Variants in MAN2B1 observed in about 807,000 individuals in gnomAD.
MAN2B1 encodes lysosomal alpha-mannosidase.
MAN2B1 carries 99 observed loss-of-function variants against 127.5 expected under a neutral mutation model. The ratio of observed to expected loss-of-function variants is 0.78; its 90% CI spans 0.66 to 0.92. The LOEUF is 0.92. Among genes scored for constraint, MAN2B1 ranks in the 40% least tolerant of loss-of-function variants. The probability of loss-of-function intolerance (pLI) is 0.00; values close to 1 mark genes in which losing one functional copy is unlikely to be tolerated. For missense variants in MAN2B1, 1,304 were observed against 1,384.8 expected (o/e 0.94, Z 0.93); for synonymous variants, 573 against 568.8 (o/e 1.01, Z -0.11).
At chr19:12,650,707 G>A (rs2023825408) in intron 16 of MAN2B1, among the ~76,000 whole-genome samples, 2 of 136,276 alleles carry the variant, frequency 1.5e-5, no homozygotes, top group Non-Finnish European at 3.1e-5. Context: ...TTTTGCTCTT[G>A]TTGCCCAGGA....
At chr19:12,654,394 A>T (rs540642428) in intron 14 of MAN2B1, among the ~76,000 whole-genome samples, 5 of 152,068 alleles carry the variant, frequency 3.3e-5, no homozygotes, top group Non-Finnish European at 7.4e-5. Context: ...TTCCAGGGCC[A>T]GTGCAGTCAA....
rs1376652013 is a variant in MAN2B1 at position 12,648,210 on chromosome 19, C to T, written c.2629G>A (p.Ala877Thr). 5 of 1,558,578 alleles carry T rather than the reference C, an allele frequency of 3.2e-6. No homozygotes were observed. In the South Asian group the frequency reaches 3.5e-5, roughly 11 times the overall value. The change falls in exon 21 of 24, where the codon GCC becomes ACC. Residue 877 changes from alanine (A) to threonine (T), a missense_variant. Transcript: ENST00000456935. ...GGAGGAGCCCCGAGATTGTAGGCGG[C>T]GCCGCCACCCGGGGCCAGCACCACC... ...PQVVLAPGGG[A>T]AYNLGAPPRT...
chr19:12,664,218 T>C (rs1410870423), intron 4 of MAN2B1, among the ~76,000 whole-genome samples: 2 of 152,146 alleles, frequency 1.3e-5, no homozygotes, highest in Non-Finnish European at 2.9e-5. Context: ...AGCAAGACCC[T>C]GTCTCAAAAA....
chr19:12,653,145 T>G lies in MAN2B1; in HGVS notation c.1831-685A>C, dbSNP rs1187839823. Among the ~76,000 whole-genome samples the G allele has an allele frequency of 2.8e-4, 7 of 24,816 alleles. 1 individual carries two copies. The highest frequency in any genetic ancestry group is 8.8e-4 in the African/African-American group (7 of 7,948). The allele number at this position is 24,816 out of a possible 152,430, so 16.3% of individuals were successfully genotyped here. On this transcript the variant is annotated intron_variant, in intron 14 of 23. Coordinates refer to ENST00000456935, the MANE Select transcript of MAN2B1 (RefSeq NM_000528.4). Reference sequence around the variant, plus strand: ...CACTGCACCTGGCCTGGGTTTTTTGTTTTTTTTTTTTTTTTGAGACTGAGT... The same window carrying G: ...CACTGCACCTGGCCTGGGTTTTTTGGTTTTTTTTTTTTTTTGAGACTGAGT...
chr19:12,663,868 T>G, intron 4 of MAN2B1, 33 bp from the exon 5 acceptor site: 1 of 1,613,748 alleles, frequency 6.2e-7, no homozygotes, highest in African/African-American at 1.3e-5. Flanking sequence ...CAGTGTGAAT[T>G]AGTGCCCAGC....
At chr19:12,656,376 A>C (rs1169922145) in intron 13 of MAN2B1, 195 bp downstream of exon 13, 21 of 518,034 alleles carry the variant, frequency 4.1e-5, no homozygotes, top group East Asian at 6.7e-5. Context: ...AAAAAAAGGG[A>C]GGACCACTCA....
intron 14 of MAN2B1, among the ~76,000 whole-genome samples, chr19:12,653,907 C>G (rs536749119): frequency 1.3e-5 from 2 of 151,950 alleles, no homozygotes; most frequent in Admixed American, 1.3e-4. Context: ...TTGGTACAGA[C>G]GAGGTTTCAC....
chr19:12,647,575 C>T lies in MAN2B1; in HGVS notation c.2688G>A (p.Leu896=). ...RTQFSGLRRD[L]PPSVHLLTLA... ...GCGTGAGCAGGTGCACCGAGGGCGGCAGGTCCCTGCGCAGCCCTGAGAACT... is the reference window on the plus strand; with the variant it reads ...GCGTGAGCAGGTGCACCGAGGGCGGTAGGTCCCTGCGCAGCCCTGAGAACT... Residue 896 remains leucine (L), a synonymous_variant, in exon 22 of 24, where the codon CTG becomes CTA. Transcript: ENST00000456935. The surrounding 1 kb of genome is among the most constrained non-coding windows in gnomAD (Gnocchi z 4.9). 2 of 1,613,828 alleles carry T rather than the reference C, an allele frequency of 1.2e-6. No homozygotes were observed. Among genetic ancestry groups the T allele is most frequent in the Non-Finnish European group, 1.7e-6 (2 of 1,179,918 alleles).
At chr19:12,657,242 G>A (rs2023986300) in intron 11 of MAN2B1, 186 bp from the exon 12 acceptor site, 1 of 684,980 alleles carries the variant, frequency 1.5e-6, no homozygotes, top group Non-Finnish European at 2.6e-6. Flanking sequence ...TCTTGCCCAC[G>A]CCCCGCCTCC....
chr19:12,646,834 C>T (rs1033952174), intron 23 of MAN2B1, 102 bp from the exon 24 acceptor site: 22 of 822,938 alleles, frequency 2.7e-5, no homozygotes, highest in Non-Finnish European at 4.1e-5. Context: ...TGCATATCCC[C>T]GAATCTGTCT....
At position 12,665,318 on chromosome 19, in the gene MAN2B1, G is replaced by A. The variant is rs146087038; in HGVS notation, c.436+34C>T. The A allele has an allele frequency of 3.7e-4, 593 of 1,599,038 alleles. 2 individuals are homozygous for A. In the East Asian group the frequency reaches 9.7e-3, roughly 26 times the overall value. On this transcript the variant is annotated intron_variant, in intron 3 of 23. Coordinates refer to ENST00000456935, the MANE Select transcript of MAN2B1 (RefSeq NM_000528.4). ...GATGCAGAAGCAGAAGCTGGGCTGG[G>A]CTTCCTCTTTTCACTTCCTTGGGGT...
intron 7 of MAN2B1, among the ~76,000 whole-genome samples, chr19:12,660,483 CAG>C (rs898923631): frequency 2.0e-5 from 3 of 152,094 alleles, no homozygotes; most frequent in African/African-American, 7.2e-5. Flanking sequence ...GCCTGGGCGA[CAG>C]AGCGAGACTC....
At position 12,658,951 on chromosome 19, in the gene MAN2B1, G is replaced by C. The variant is rs1020529154; in HGVS notation, c.1027-441C>G. ...AGCTCACTGCAAGCTCCACCTCTTG[G>C]GTTCACGCCATTCTCCAGCCTCAGC... is the stretch of plus-strand genomic sequence containing the variant. On this transcript the variant is annotated intron_variant, in intron 7 of 23. Transcript: ENST00000456935. 18 of 276,630 alleles carry C rather than the reference G, an allele frequency of 6.5e-5. No individual in the cohort carries two copies. The Admixed American group carries it at 9.0e-4, about 14-fold the overall frequency. 17.1% of individuals were successfully genotyped at this position (276,630 alleles called of 1,614,324 possible).
chr19:12,655,532 C>T (rs1052563225), intron 14 of MAN2B1, among the ~76,000 whole-genome samples, 162 bp downstream of exon 14: 2 of 152,166 alleles, frequency 1.3e-5, no homozygotes, highest in Non-Finnish European at 2.9e-5. Flanking sequence ...GGAAAGGACA[C>T]TGAGGCTCAG....
At chr19:12,664,442 T>G (rs1265290534) in intron 4 of MAN2B1, among the ~76,000 whole-genome samples, 1 of 152,132 alleles carries the variant, frequency 6.6e-6, no homozygotes. Context: ...GGATGGGGTC[T>G]GAGCACAGGT....
In MAN2B1 at chr19:12,652,192, C is replaced by T. The variant is rs762152042; in HGVS notation, c.2007G>A (p.Pro669=). ...AYIFRPNQQK[P]LPVSRWAQIH... Reference sequence around the variant, plus strand: ...TCTGAGCCCAGCGGCTCACAGGCAGCGGTTTCTGTTGGTTGGGTCTGAAGA... The same window carrying T: ...TCTGAGCCCAGCGGCTCACAGGCAGTGGTTTCTGTTGGTTGGGTCTGAAGA... Residue 669 remains proline, a synonymous_variant, in exon 16 of 24, where the codon CCG becomes CCA. Coordinates refer to ENST00000456935, the MANE Select transcript of MAN2B1 (RefSeq NM_000528.4). The T allele has an allele frequency of 1.7e-5, 28 of 1,614,052 alleles. No individual in the cohort carries two copies. Among genetic ancestry groups the T allele is most frequent in the African/African-American group, 6.7e-5 (5 of 74,914 alleles).
At chr19:12,650,578 T>C (rs1028269505) in intron 16 of MAN2B1, among the ~76,000 whole-genome samples, 32 of 152,004 alleles carry the variant, frequency 2.1e-4, no homozygotes, top group Admixed American at 1.8e-3. Context: ...AAGGATGGTC[T>C]CGATCTCCTG....
rs764545554 is a variant in MAN2B1 at position 12,646,647 on chromosome 19, T to G, written c.3009A>C (p.Ser1003=). The G allele has an allele frequency of 6.2e-7, 1 of 1,613,868 alleles. No individual in the cohort carries two copies. Among genetic ancestry groups the G allele is most frequent in the Admixed American group, 1.7e-5 (1 of 60,008 alleles). Residue 1003 remains serine, a synonymous_variant, in exon 24 of 24, where the codon TCA becomes TCC. Coordinates refer to ENST00000456935, the MANE Select transcript of MAN2B1 (RefSeq NM_000528.4). ...EPMEIRTFLA[S]VQWKEVDG is the part of the protein sequence containing the mutation. ...AACCATCCACCTCCTTCCATTGAAC[T>G]GAGGCCAGGAAAGTGCGGATTTCCA...
chr19:12,648,199 A>T lies in MAN2B1; in HGVS notation c.2640T>A (p.Asn880Lys), dbSNP rs763786776. ...CCTGCGTGCGCGGAGGAGCCCCGAG[A>T]TTGTAGGCGGCGCCGCCACCCGGGG... The part of the protein sequence containing the change: ...VLAPGGGAAY[N>K]LGAPPRTQFS... The change falls in exon 21 of 24, where the codon AAT becomes AAA. Residue 880 changes from asparagine to lysine, a missense_variant. Coordinates refer to ENST00000456935, the MANE Select transcript of MAN2B1 (RefSeq NM_000528.4). 3 of 1,548,572 alleles carry T rather than the reference A, an allele frequency of 1.9e-6. No individual in the cohort carries two copies. Among genetic ancestry groups the T allele is most frequent in the Non-Finnish European group, 2.6e-6 (3 of 1,153,082 alleles).
Sources: gnomAD v4.1 joint callset for allele counts (sites outside exome capture counted in the v4.1 genomes callset) on GRCh38, gnomAD v4.1.1 for gene constraint, Gnocchi (gnomAD v3.1) non-coding constraint, MANE v1.5 for transcripts, NCBI Gene and HGNC (gene_info 2026-07-23, HGNC 2026-07-21) for gene names.